PARVB: variants seen among roughly 807,000 people sequenced by gnomAD.
The protein encoded by PARVB is beta-parvin.
Under a neutral mutation model 47.0 loss-of-function variants are expected in PARVB, and 46 were observed. The observed-to-expected ratio is 0.98, with a 90% CI of 0.77 to 1.25. The LOEUF is 1.25. Ranked by LOEUF, PARVB falls within the 50% of genes most tolerant of loss-of-function variation. PARVB has a pLI of 0.00. For missense variants in PARVB, 473 were observed against 471.6 expected (o/e 1.00, Z -0.03); for synonymous variants, 196 against 196.3 (o/e 1.00, Z 0.01).
chr22:44,050,270 T>C (rs117791925), intron 1 of PARVB, among the ~76,000 whole-genome samples: 1 of 152,274 alleles, frequency 6.6e-6, no homozygotes, highest in Non-Finnish European at 1.5e-5. Context: ...CACCATAGAT[T>C]TGAGGTATGT....
chr22:44,062,445 C>T (rs1337182204), intron 1 of PARVB, among the ~76,000 whole-genome samples: 1 of 152,112 alleles, frequency 6.6e-6, no homozygotes, highest in Non-Finnish European at 1.5e-5. Flanking sequence ...CGAGACCAAC[C>T]GGGCCAACAT....
intron 1 of PARVB, among the ~76,000 whole-genome samples, chr22:44,059,292 C>T (rs547521698): frequency 1.3e-5 from 2 of 150,972 alleles, no homozygotes; most frequent in East Asian, 2.0e-4. Flanking sequence ...GTGATCCACC[C>T]ACCTCAGCCT....
At chr22:44,042,578 G>A (rs1289789135) in intron 1 of PARVB, among the ~76,000 whole-genome samples, 1 of 152,226 alleles carries the variant, frequency 6.6e-6, no homozygotes, top group African/African-American at 2.4e-5. Flanking sequence ...TGCTGCTGCT[G>A]AGAACGTCTG....
intron 3 of PARVB, 36 bp from the exon 4 acceptor site, chr22:44,119,002 G>A (rs2052978170): frequency 5.6e-6 from 8 of 1,431,460 alleles, no homozygotes; most frequent in Non-Finnish European, 7.9e-6. Flanking sequence ...CCGTGGCGCT[G>A]GTGGACTGAG....
upstream of PARVB, chr22:44,024,267 C>T: frequency 1.2e-6 from 1 of 850,760 alleles, no homozygotes; most frequent in Non-Finnish European, 1.4e-6. Flanking sequence ...CGGGGCCGCG[C>T]CCTCGGCCTC....
intron 1 of PARVB, among the ~76,000 whole-genome samples, chr22:44,031,180 G>C (rs1249570201): frequency 6.6e-6 from 1 of 152,206 alleles, no homozygotes; most frequent in Non-Finnish European, 1.5e-5. Context: ...GGCACAGTGA[G>C]GTCACTGCGA....
At chr22:44,111,476 G>GTCTTGCTC (rs1226751384) in intron 3 of PARVB, 3 of 102,724 alleles carry the variant, frequency 2.9e-5, no homozygotes, top group Non-Finnish European at 5.2e-5. Context: ...TTGAGACAGG[G>GTCTTGCTC]TCTTGCTCTG....
intron 1 of PARVB, 54 bp from the exon 2 acceptor site, chr22:44,093,874 G>A: frequency 8.8e-7 from 1 of 1,139,870 alleles, no homozygotes; most frequent in Non-Finnish European, 1.3e-6. Context: ...CAACATGTGA[G>A]GCCACGGCAC....
chr22:44,127,465 G>C (rs1292925993), intron 4 of PARVB, among the ~76,000 whole-genome samples: 2 of 152,224 alleles, frequency 1.3e-5, no homozygotes, highest in Non-Finnish European at 2.9e-5. Flanking sequence ...TAGGCATTCA[G>C]CTCTTTGGCT....
intron 1 of PARVB, among the ~76,000 whole-genome samples, chr22:44,026,038 G>T (rs928101419): frequency 6.6e-6 from 1 of 152,220 alleles, no homozygotes; most frequent in African/African-American, 2.4e-5. Flanking sequence ...ACACTTGAGT[G>T]GAGGCCAGAA....
chr22:44,063,625 G>T (rs1444876036), intron 1 of PARVB, among the ~76,000 whole-genome samples: 2 of 152,138 alleles, frequency 1.3e-5, no homozygotes, highest in African/African-American at 4.8e-5. Flanking sequence ...CAGGCAGGGT[G>T]TGGGGTTAGT....
chr22:44,165,256 G>A lies in PARVB; in HGVS notation c.1018+1326G>A, dbSNP rs116733647. On this transcript the variant is annotated intron_variant, in intron 12 of 12. Transcript: ENST00000338758. ...CAAGCGATTCGCCCATTACAGGCAC[G>A]AGCCCCCATGCCTGGCCTTGTTTAT... Among the ~76,000 whole-genome samples the A allele has an allele frequency of 3.8e-3, 585 of 152,256 alleles. 9 individuals carry two copies. The highest frequency in any genetic ancestry group is 0.013 in the African/African-American group (550 of 41,548).
chr22:44,085,167 C>T (rs932713120), intron 1 of PARVB, among the ~76,000 whole-genome samples: 4 of 152,174 alleles, frequency 2.6e-5, no homozygotes, highest in African/African-American at 9.7e-5. Context: ...AAGTGTCTCA[C>T]CATGTTGCCC....
intron 1 of PARVB, among the ~76,000 whole-genome samples, chr22:44,059,699 G>A (rs368924138): frequency 3.3e-5 from 5 of 152,182 alleles, no homozygotes; most frequent in Non-Finnish European, 7.3e-5. Context: ...TGTCACGTAC[G>A]TGGTGTTGAT....
At position 44,168,805 on chromosome 22, in the gene PARVB, A is replaced by ACCCCCCCCCCCCCCCCCCCCCTCCCCC. The variant is rs2054230922; in HGVS notation, c.*131_*132insCCCCCCCCCCCCCCCCCTCCCCCCCCC. ...CCAAGCTGTGTTGACTGTCATCCCC[A>ACCCCCCCCCCCCCCCCCCCCCTCCCCC]CCCCACCCCTACCTCACGCCTGCCC... On this transcript the variant is annotated 3_prime_UTR_variant, in exon 13 of 13. Coordinates refer to ENST00000338758, the MANE Select transcript of PARVB (RefSeq NM_013327.5). 1.6e-6 allele frequency: 1 copy of ACCCCCCCCCCCCCCCCCCCCCTCCCCC among 612,110 alleles called. No homozygotes were observed. Among genetic ancestry groups the ACCCCCCCCCCCCCCCCCCCCCTCCCCC allele is most frequent in the Admixed American group, 2.7e-5 (1 of 36,662 alleles). The allele number at this position is 612,110 out of a possible 1,614,324, so 37.9% of individuals were successfully genotyped here.
intron 2 of PARVB, among the ~76,000 whole-genome samples, chr22:44,015,280 A>C (rs945015223): frequency 1.3e-4 from 20 of 152,206 alleles, no homozygotes; most frequent in African/African-American, 4.6e-4. Context: ...TTCTAATAAA[A>C]AGCAGCCCCC....
At chr22:44,072,129 C>T (rs182901959) in intron 1 of PARVB, among the ~76,000 whole-genome samples, 2 of 152,350 alleles carry the variant, frequency 1.3e-5, no homozygotes, top group African/African-American at 4.8e-5. Context: ...ATGTGAATGT[C>T]ATGTGGAGCT....
At chr22:44,154,691 G>A (rs930278365) in intron 10 of PARVB, among the ~76,000 whole-genome samples, 7 of 143,456 alleles carry the variant, frequency 4.9e-5, no homozygotes, top group Admixed American at 7.1e-5. Context: ...TGTGGTTTTC[G>A]TTGTCTGTGT....
At chr22:44,143,859 G>A (rs1185974776) in intron 8 of PARVB, 3 of 152,366 alleles carry the variant, frequency 2.0e-5, no homozygotes, top group Non-Finnish European at 4.4e-5. Flanking sequence ...TGAGGCAGAG[G>A]GGAAAGAAGG....
Sources: allele counts gnomAD v4.1 joint callset (sites outside exome capture counted in the v4.1 genomes callset), GRCh38; gene constraint gnomAD v4.1.1; transcripts MANE v1.5; gene names NCBI Gene and HGNC (gene_info 2026-07-23, HGNC 2026-07-21).